ZC3H12B: variants seen among roughly 807,000 people sequenced by gnomAD.
ZC3H12B encodes zinc finger CCCH-type containing 12B.
A neutral mutation model predicts 43.9 loss-of-function variants in ZC3H12B; 7 were observed. The ratio of observed to expected loss-of-function variants is 0.16; its 90% confidence interval spans 0.09 to 0.30. The LOEUF is 0.30. Ranked by LOEUF, ZC3H12B falls within the 10% of genes least tolerant of loss-of-function variation. The pLI, the probability that ZC3H12B is intolerant of heterozygous loss-of-function variation, is 1.00. For synonymous variants in ZC3H12B, 222 were observed against 241.7 expected, an observed-to-expected ratio of 0.92 and a Z score of 0.76; for missense variants, 475 against 670.2, an observed-to-expected ratio of 0.71 and a Z score of 3.22.
chrX:65,262,905 C>T, the ZC3H12B span, among the ~76,000 whole-genome samples: 2 of 110,715 alleles, frequency 1.8e-5, no homozygotes, highest in South Asian at 3.8e-4. Flanking sequence ...TCCCTCCCCT[C>T]CTTATAATAT....
exon 5 of ZC3H12B, chrX:65,506,281 TGTTA>T (rs2068424371): frequency 8.9e-6 from 1 of 112,674 alleles, no homozygotes; most frequent in Admixed American, 9.4e-5. Context: ...AAAGTGTCAG[TGTTA>T]GTGACTCATC....
At chrX:65,168,142 TG>T in the ZC3H12B span, among the ~76,000 whole-genome samples, 1 of 111,918 alleles carries the variant, frequency 8.9e-6, no homozygotes, top group African/African-American at 3.2e-5. Context: ...TTCCAGTTTT[TG>T]CCCATTTAGT....
At chrX:65,108,460 A>G in the ZC3H12B span, among the ~76,000 whole-genome samples, 1 of 109,652 alleles carries the variant, frequency 9.1e-6, no homozygotes, top group Non-Finnish European at 1.9e-5. Flanking sequence ...ACACACACAC[A>G]TTAGCGTAGG....
the ZC3H12B span, among the ~76,000 whole-genome samples, chrX:65,095,995 G>A: frequency 9.0e-6 from 1 of 110,571 alleles, no homozygotes; most frequent in Non-Finnish European, 1.9e-5. Flanking sequence ...AGATTACAAG[G>A]CATATTAAAA....
rs758746815 is a variant in ZC3H12B at position 65,382,879 on chromosome X, A to G, written n.295+13881A>G. Reference sequence around the variant, plus strand: ...TTGCTTCCAAGAGAATAAAATACCTAGGAATCCAACTTACAAGGGATGTGA... The same window carrying G: ...TTGCTTCCAAGAGAATAAAATACCTGGGAATCCAACTTACAAGGGATGTGA... On this transcript the variant is annotated intron_variant and non_coding_transcript_variant, in intron 2 of 5. Transcript: ENST00000617377. Among the ~76,000 whole-genome samples, 148 of 111,387 alleles carry G rather than the reference A, an allele frequency of 1.3e-3. 1 individual carries two copies. Among genetic ancestry groups the G allele is most frequent in the African/African-American group, 4.6e-3 (139 of 30,484 alleles).
At chrX:65,413,670 T>C (rs1276391486) in intron 3 of ZC3H12B, among the ~76,000 whole-genome samples, 1 of 112,564 alleles carries the variant, frequency 8.9e-6, no homozygotes, top group Non-Finnish European at 1.9e-5. Flanking sequence ...CACGCTGTTA[T>C]GATTATTGTA....
intron 3 of ZC3H12B, among the ~76,000 whole-genome samples, chrX:65,407,221 C>A (rs1438778568): frequency 8.9e-6 from 1 of 112,359 alleles, no homozygotes; most frequent in African/African-American, 3.2e-5. Context: ...CCGGGCCGGC[C>A]GTGCAGGGCG....
the ZC3H12B span, among the ~76,000 whole-genome samples, chrX:65,209,724 A>T: frequency 1.8e-5 from 2 of 108,819 alleles, no homozygotes; most frequent in Non-Finnish European, 3.8e-5. Context: ...ACAGAGATAT[A>T]GATCAATGGA....
chrX:65,167,478 A>C, the ZC3H12B span, among the ~76,000 whole-genome samples: 3 of 111,717 alleles, frequency 2.7e-5, no homozygotes, highest in Non-Finnish European at 5.6e-5. Context: ...AGGTAGCGTG[A>C]TGCCTCCAGC....
At chrX:65,207,251 T>C in the ZC3H12B span, among the ~76,000 whole-genome samples, 12,624 of 100,923 alleles carry the variant, frequency 0.13, 1,996 homozygotes, top group African/African-American at 0.42. Context: ...TGTGTATATA[T>C]ACACACACAC....
intron 3 of ZC3H12B, among the ~76,000 whole-genome samples, chrX:65,431,524 C>G (rs1172644935): frequency 1.8e-5 from 2 of 112,117 alleles, no homozygotes; most frequent in Admixed American, 9.4e-5. Flanking sequence ...TGTTTATGAG[C>G]CCAATGGGCA....
the ZC3H12B span, among the ~76,000 whole-genome samples, chrX:65,306,497 C>T: frequency 9.0e-6 from 1 of 110,835 alleles, no homozygotes; most frequent in Non-Finnish European, 1.9e-5. Context: ...TTCAGCCTCC[C>T]GAGTAGCTGG....
chrX:65,276,539 T>C, the ZC3H12B span, among the ~76,000 whole-genome samples: 497 of 111,845 alleles, frequency 4.4e-3, 1 homozygote, highest in Non-Finnish European at 7.0e-3. Context: ...AGTGAGATGA[T>C]ATATTTAAAG....
At chrX:65,130,639 G>A in the ZC3H12B span, among the ~76,000 whole-genome samples, 1 of 111,761 alleles carries the variant, frequency 8.9e-6, no homozygotes, top group Non-Finnish European at 1.9e-5. Context: ...GGTTCTAAGA[G>A]GTTGGCTAGT....
the ZC3H12B span, among the ~76,000 whole-genome samples, chrX:65,106,796 AC>A: frequency 8.9e-6 from 1 of 111,786 alleles, no homozygotes; most frequent in East Asian, 2.8e-4. Context: ...CTGAGCACTT[AC>A]CACACTACAG....
intron 3 of ZC3H12B, among the ~76,000 whole-genome samples, chrX:65,416,764 G>A (rs2066967081): frequency 9.3e-6 from 1 of 107,978 alleles, no homozygotes; most frequent in Admixed American, 9.9e-5. Context: ...ACTCCAGCCT[G>A]GGCAACAGAG....
the ZC3H12B span, among the ~76,000 whole-genome samples, chrX:65,053,818 C>T: frequency 8.9e-6 from 1 of 111,770 alleles, no homozygotes; most frequent in Non-Finnish European, 1.9e-5. Flanking sequence ...TGTGAGATGG[C>T]ATCTCATTGT....
the ZC3H12B span, among the ~76,000 whole-genome samples, chrX:65,260,571 A>G: frequency 2.7e-5 from 3 of 111,967 alleles, no homozygotes; most frequent in Admixed American, 9.5e-5. Context: ...CCTAAAATAA[A>G]TGTTTAAAAA....
At chrX:65,491,004 C>T (rs1296693899) in intron 1 of ZC3H12B, among the ~76,000 whole-genome samples, 1 of 111,018 alleles carries the variant, frequency 9.0e-6, no homozygotes, top group Non-Finnish European at 1.9e-5. Flanking sequence ...TCTAGAAGTA[C>T]ACTTTAGTAT....
Sources: allele counts gnomAD v4.1 joint callset (sites outside exome capture counted in the v4.1 genomes callset), GRCh38; gene constraint gnomAD v4.1.1; transcripts MANE v1.5; gene names NCBI Gene and HGNC (gene_info 2026-07-23, HGNC 2026-07-21).